The following LRRC69 variants were observed in gnomAD, a reference collection of about 807,000 sequenced individuals.
LRRC69 encodes the protein leucine rich repeat containing 69.
A neutral mutation model predicts 37.8 loss-of-function variants in LRRC69; 42 were observed. The observed-to-expected ratio is 1.11, with a 90% CI of 0.87 to 1.44. The LOEUF is 1.44. LRRC69 is among the 40% of genes most tolerant of loss of function. The pLI is 0.00. For synonymous variants in LRRC69, 141 were observed against 143.1 expected (o/e 0.99, Z 0.11); for missense variants, 357 against 401.9 (o/e 0.89, Z 0.96).
chr8:91,134,377 G>T (rs1272546410), intron 4 of LRRC69, among the ~76,000 whole-genome samples: 2 of 151,716 alleles, frequency 1.3e-5, no homozygotes, highest in Non-Finnish European at 2.9e-5. Context: ...TGGCTGGAGG[G>T]GAGGGGTACT....
chr8:91,192,373 G>A (rs1430864527), intron 6 of LRRC69, among the ~76,000 whole-genome samples: 1 of 151,962 alleles, frequency 6.6e-6, no homozygotes, highest in African/African-American at 2.4e-5. Context: ...TAATGGGATG[G>A]CTGGGTCAAA....
Position 91,176,134 on chromosome 8 carries a change from A to ATATATATATTTTTTTTTTT in LRRC69, c.652-13387_652-13386insATATATATTTTTTTTTTTT. ...ATCCCTCATATATATATATATATAT[A>ATATATATATTTTTTTTTTT]TTTTTTTTTTTTCTTTTTTTTGAGA... On this transcript the variant is annotated intron_variant, in intron 5 of 7. Coordinates refer to ENST00000448384, the Ensembl canonical transcript of LRRC69. Among the ~76,000 whole-genome samples, 266 of 75,650 alleles carry ATATATATATTTTTTTTTTT rather than the reference A, an allele frequency of 3.5e-3. 5 individuals are homozygous for ATATATATATTTTTTTTTTT. Among genetic ancestry groups the ATATATATATTTTTTTTTTT allele is most frequent in the African/African-American group, 0.015 (242 of 16,388 alleles). 49.6% of individuals were successfully genotyped at this position (75,650 alleles called of 152,430 possible).
At chr8:91,183,612 G>A (rs920289754) in intron 5 of LRRC69, among the ~76,000 whole-genome samples, 17 of 149,908 alleles carry the variant, frequency 1.1e-4, no homozygotes, top group African/African-American at 4.2e-4. Flanking sequence ...GATGAATATG[G>A]GTAAAAAAAA....
intron 5 of LRRC69, chr8:91,158,029 A>C: frequency 7.4e-7 from 1 of 1,343,314 alleles, no homozygotes; most frequent in South Asian, 1.2e-5. Flanking sequence ...TTGGAGACAA[A>C]GTCAAAATTA....
chr8:91,153,188 C>A (rs1243286104), intron 5 of LRRC69, among the ~76,000 whole-genome samples: 2 of 151,220 alleles, frequency 1.3e-5, no homozygotes, highest in Non-Finnish European at 3.0e-5. Context: ...ATATATGCAC[C>A]CAATACAGGA....
At chr8:91,172,897 T>G (rs2130585303) in intron 5 of LRRC69, among the ~76,000 whole-genome samples, 1 of 152,178 alleles carries the variant, frequency 6.6e-6, no homozygotes, top group African/African-American at 2.4e-5. Context: ...TTTCAGCTTA[T>G]TTTTGAATTC....
In LRRC69 at chr8:91,124,939, C is replaced by A. The variant is rs1813692907; in HGVS notation, c.310+320C>A. The stretch of plus-strand genomic sequence containing the variant: ...AGATAATTCTATTGGGAAATCAAAT[C>A]AAGTAAAGCTATACTGTAGCTTTGT... On this transcript the variant is annotated intron_variant, in intron 2 of 7. Coordinates refer to ENST00000448384, the Ensembl canonical transcript of LRRC69. 1.3e-5 allele frequency among the ~76,000 whole-genome samples: 2 copies of A among 151,800 alleles called. 1 individual carries two copies. Among genetic ancestry groups the A allele is most frequent in the South Asian group, 4.1e-4 (2 of 4,836 alleles).
chr8:91,154,488 C>T (rs1427960636), intron 5 of LRRC69, among the ~76,000 whole-genome samples: 1 of 151,766 alleles, frequency 6.6e-6, no homozygotes, highest in African/African-American at 2.4e-5. Flanking sequence ...AAAATACTGG[C>T]AAACTGAATT....
intron 1 of LRRC69, among the ~76,000 whole-genome samples, chr8:91,104,654 G>C (rs1813276285): frequency 6.6e-6 from 1 of 151,886 alleles, no homozygotes; most frequent in Admixed American, 6.6e-5. Flanking sequence ...TGCTATCTAG[G>C]TTTGCTAGAT....
chr8:91,157,173 AG>A, intron 5 of LRRC69: 1 of 764,116 alleles, frequency 1.3e-6, no homozygotes, highest in Non-Finnish European at 2.3e-6. Flanking sequence ...GTATTTTGAT[AG>A]GGATTGCTTC....
At chr8:91,189,297 T>C (rs918386695) in intron 5 of LRRC69, among the ~76,000 whole-genome samples, 4 of 152,154 alleles carry the variant, frequency 2.6e-5, no homozygotes, top group African/African-American at 7.2e-5. Flanking sequence ...ACCCCTAAGG[T>C]CATGGCCATT....
rs746585773 is a variant in LRRC69, at chr8:91,103,158, G to A, written c.183+314G>A. On this transcript the variant is annotated intron_variant, in intron 1 of 7. Transcript: ENST00000448384. ...AGGGGTTGGAAACCTGGATCTGGTC[G>A]TCTATCTTGGGGGCTTACATCTGGA... Among the ~76,000 whole-genome samples, 4 of 152,138 alleles carry A rather than the reference G, an allele frequency of 2.6e-5. 1 individual carries two copies. Among genetic ancestry groups the A allele is most frequent in the Admixed American group, 2.0e-4 (3 of 15,270 alleles).
chr8:91,197,653 C>G (rs896111177), intron 6 of LRRC69, among the ~76,000 whole-genome samples: 25 of 152,178 alleles, frequency 1.6e-4, no homozygotes, highest in African/African-American at 6.0e-4. Context: ...AGGGAACTCC[C>G]TGACCCCTTG....
intron 5 of LRRC69, chr8:91,157,468 G>A: frequency 6.2e-7 from 1 of 1,602,564 alleles, no homozygotes; most frequent in East Asian, 2.2e-5. Flanking sequence ...ATGCAAGAAA[G>A]GAAGTTTACA....
At chr8:91,135,990 T>C (rs1054225080) in intron 5 of LRRC69, among the ~76,000 whole-genome samples, 7 of 151,984 alleles carry the variant, frequency 4.6e-5, no homozygotes, top group African/African-American at 1.4e-4. Context: ...ATATCAGCTA[T>C]GATTAAATTT....
At chr8:91,207,562 C>T (rs186229845) in intron 7 of LRRC69, among the ~76,000 whole-genome samples, 2 of 152,194 alleles carry the variant, frequency 1.3e-5, no homozygotes, top group South Asian at 2.1e-4. Flanking sequence ...TTTGGCGAAT[C>T]CATAATAAAT....
rs144686054 is a variant in LRRC69, at chr8:91,147,217, A to G, written c.651+11478A>G. Among the ~76,000 whole-genome samples the G allele has an allele frequency of 3.3e-3, 485 of 146,728 alleles. 10 individuals carry two copies. The East Asian group carries it at 0.076, about 23-fold the overall frequency. Reference sequence around the variant, plus strand: ...TGGCTTTAAAGTTTATTTTTTTCTCATATGAATATAGCTATATTATATATA... The same window carrying G: ...TGGCTTTAAAGTTTATTTTTTTCTCGTATGAATATAGCTATATTATATATA... On this transcript the variant is annotated intron_variant, in intron 5 of 7. Transcript: ENST00000448384.
At chr8:91,157,831 G>A in intron 5 of LRRC69, 5 of 1,606,574 alleles carry the variant, frequency 3.1e-6, no homozygotes, top group Non-Finnish European at 4.3e-6. Context: ...AGTGGGAAAA[G>A]GAGCTGCATC....
chr8:91,215,063 C>T (rs1282169204), intron 7 of LRRC69, among the ~76,000 whole-genome samples: 1 of 152,034 alleles, frequency 6.6e-6, no homozygotes, highest in Non-Finnish European at 1.5e-5. Context: ...CCTTCTTCCA[C>T]TTTAACAACT....
Sources: gnomAD v4.1 joint callset for allele counts (sites outside exome capture counted in the v4.1 genomes callset) on GRCh38, gnomAD v4.1.1 for gene constraint, MANE v1.5 for transcripts, NCBI Gene and HGNC (gene_info 2026-07-23, HGNC 2026-07-21) for gene names.